CNTNAP4: variants seen among roughly 807,000 people sequenced by gnomAD.
The protein encoded by CNTNAP4 is contactin-associated protein-like 4.
In CNTNAP4, 98 loss-of-function variants were observed where a neutral mutation model predicts 148.4. The ratio of observed to expected loss-of-function variants is 0.66; its 90% CI spans 0.56 to 0.78. The LOEUF (loss-of-function observed/expected upper bound fraction) is 0.78, where lower values mean the gene tolerates loss of function less well. Ranked by LOEUF, CNTNAP4 falls within the 30% of genes least tolerant of loss-of-function variation. The probability of loss-of-function intolerance (pLI) is 0.00; values close to 1 mark genes in which losing one functional copy is unlikely to be tolerated. For missense variants in CNTNAP4, 1,935 were observed against 1,565.6 expected (o/e 1.24, Z -3.98); for synonymous variants, 730 against 565.1 (o/e 1.29, Z -4.14).
At chr16:76,448,509 G>C (rs1162458557) in intron 5 of CNTNAP4, among the ~76,000 whole-genome samples, 1 of 152,128 alleles carries the variant, frequency 6.6e-6, no homozygotes, top group Non-Finnish European at 1.5e-5. Flanking sequence ...TAATGAGGTT[G>C]TGGCAAAGAT....
rs1012100257 is a variant in CNTNAP4 at position 76,522,245 on chromosome 16, C to G, written c.2743C>G (p.Gln915Glu). ...DGHVLLQLNS[Q>E]LFVGGTATRQ... ...GCATGTCCTGTTACAGCTCAACAGT[C>G]AGCTCTTCGTGGGTAAGTTCTCTTT... Residue 915 changes from glutamine to glutamate, a missense_variant, in exon 17 of 24, where the codon CAG becomes GAG. By Grantham distance (29) the Gln-to-Glu change is conservative (BLOSUM62 2). Transcript: ENST00000611870. The G allele has an allele frequency of 3.7e-6, 6 of 1,613,642 alleles. No individual in the cohort carries two copies. The highest frequency in any genetic ancestry group is 5.1e-6 in the Non-Finnish European group (6 of 1,179,800).
Position 76,489,693 on chromosome 16 carries a change from A to G in CNTNAP4, c.1890A>G (p.Ala630=), listed in dbSNP as rs1416151535. Residue 630 remains alanine (A), a synonymous_variant, in exon 13 of 24, where the codon GCA becomes GCG. Transcript: ENST00000611870. ...FLLYCNMTET[A]WTIIQHNGSD... ...CCCATTTCTGCATACAAGAAACTGC[A>G]TGGACCATCATACAGCACAACGGCT... The G allele has an allele frequency of 6.4e-7, 1 of 1,573,622 alleles. No individual in the cohort carries two copies. Among genetic ancestry groups the G allele is most frequent in the Non-Finnish European group, 8.7e-7 (1 of 1,152,778 alleles).
intron 3 of CNTNAP4, among the ~76,000 whole-genome samples, chr16:76,406,355 C>G (rs563372875): frequency 6.6e-6 from 1 of 152,094 alleles, no homozygotes; most frequent in Non-Finnish European, 1.5e-5. Flanking sequence ...CCGCATCTCT[C>G]TCTCTCTCCT....
intron 3 of CNTNAP4, among the ~76,000 whole-genome samples, chr16:76,371,458 T>G: frequency 6.6e-6 from 1 of 152,084 alleles, no homozygotes; most frequent in African/African-American, 2.4e-5. Flanking sequence ...CTAATTTTTG[T>G]AATTTTAGTA....
intron 3 of CNTNAP4, among the ~76,000 whole-genome samples, chr16:76,408,890 A>T (rs1291930812): frequency 6.6e-6 from 1 of 152,028 alleles, no homozygotes; most frequent in Non-Finnish European, 1.5e-5. Context: ...CCACTCAATC[A>T]AGATTTGAGT....
intron 21 of CNTNAP4, among the ~76,000 whole-genome samples, chr16:76,545,842 C>A (rs1201340306): frequency 6.6e-6 from 1 of 152,054 alleles, no homozygotes; most frequent in Non-Finnish European, 1.5e-5. Flanking sequence ...TTGAGATCAT[C>A]CTGGCTAACA....
chr16:76,470,733 G>A (rs1282001166), intron 10 of CNTNAP4, among the ~76,000 whole-genome samples: 1 of 142,028 alleles, frequency 7.0e-6, no homozygotes, highest in Non-Finnish European at 1.6e-5. Context: ...AATAATGCAG[G>A]TTTTTAAAAA....
chr16:76,459,537 T>C lies in CNTNAP4; in HGVS notation c.1334-2419T>C, dbSNP rs148849642. On this transcript the variant is annotated intron_variant, in intron 8 of 23. Transcript: ENST00000611870. The stretch of plus-strand genomic sequence containing the variant: ...ACCATATATGTCCAGGGCAAAGACA[T>C]GTAATCACCTAAGGGAGTTTTGATG... Among the ~76,000 whole-genome samples the C allele has an allele frequency of 1.1e-3, 168 of 152,304 alleles. 2 individuals carry two copies. In the East Asian group the frequency reaches 0.028, roughly 25 times the overall value.
chr16:76,426,126 G>C (rs1194547924), intron 3 of CNTNAP4, among the ~76,000 whole-genome samples: 1 of 152,072 alleles, frequency 6.6e-6, no homozygotes, highest in Non-Finnish European at 1.5e-5. Flanking sequence ...AGTGTATGGG[G>C]TACTGGTGGA....
chr16:76,383,794 G>A (rs999109567), intron 3 of CNTNAP4, among the ~76,000 whole-genome samples: 1 of 152,018 alleles, frequency 6.6e-6, no homozygotes, highest in Non-Finnish European at 1.5e-5. Context: ...TAAAATAATC[G>A]AGTTGTAAAG....
At chr16:76,310,197 G>C (rs1426860111) in intron 1 of CNTNAP4, among the ~76,000 whole-genome samples, 1 of 152,122 alleles carries the variant, frequency 6.6e-6, no homozygotes, top group Non-Finnish European at 1.5e-5. Context: ...ACTGGGTTGT[G>C]TGTCATGGTA....
At position 76,534,522 on chromosome 16, in the gene CNTNAP4, C is replaced by T. The variant is rs910569860; in HGVS notation, c.2756-1023C>T. Among the ~76,000 whole-genome samples, 4 of 152,138 alleles carry T rather than the reference C, an allele frequency of 2.6e-5. No homozygotes were observed. The East Asian group carries it at 5.8e-4, about 22-fold the overall frequency. ...TTTAGGTTAGGGTACTCTTTTCCCG[C>T]TTCAAGTTCTGAGCATTAACTTAAG... On this transcript the variant is annotated intron_variant, in intron 17 of 23. Coordinates refer to ENST00000611870, the MANE Select transcript of CNTNAP4 (RefSeq NM_033401.5).
intron 9 of CNTNAP4, among the ~76,000 whole-genome samples, chr16:76,464,106 G>C (rs559394123): frequency 6.6e-6 from 1 of 152,148 alleles, no homozygotes; most frequent in Admixed American, 6.5e-5. Context: ...CAGAAGACCT[G>C]CTGCCAAACT....
chr16:76,382,060 C>T lies in CNTNAP4; in HGVS notation c.390+26549C>T, dbSNP rs1337855248. Among the ~76,000 whole-genome samples the T allele has an allele frequency of 1.0e-3, 55 of 53,330 alleles. 1 individual carries two copies. In the East Asian group the frequency reaches 0.026, roughly 26 times the overall value. 35.0% of individuals were successfully genotyped at this position (53,330 alleles called of 152,430 possible). ...TGGGGGACAGAGCGAGACTCCGTCT[C>T]AAAAAAAAAAAAAAAAAAAAAAAAA... On this transcript the variant is annotated intron_variant, in intron 3 of 23. Transcript: ENST00000611870.
At chr16:76,530,500 G>A (rs1288284797) in intron 17 of CNTNAP4, among the ~76,000 whole-genome samples, 1 of 152,166 alleles carries the variant, frequency 6.6e-6, no homozygotes, top group Non-Finnish European at 1.5e-5. Flanking sequence ...TTATTCATCA[G>A]TGAACAACAG....
intron 6 of CNTNAP4, 82 bp from the exon 7 acceptor site, chr16:76,449,633 A>G (rs2080379062): frequency 8.5e-7 from 1 of 1,182,678 alleles, no homozygotes; most frequent in Non-Finnish European, 1.2e-6. Flanking sequence ...TGTGATGATT[A>G]TAGCTATACT....
At chr16:76,534,138 G>C (rs1184708713) in intron 17 of CNTNAP4, among the ~76,000 whole-genome samples, 1 of 151,976 alleles carries the variant, frequency 6.6e-6, no homozygotes, top group Non-Finnish European at 1.5e-5. Context: ...GGGCAAAAGG[G>C]GTCCCCCTTT....
chr16:76,329,819 T>C (rs992143348), intron 2 of CNTNAP4, among the ~76,000 whole-genome samples: 1 of 152,206 alleles, frequency 6.6e-6, no homozygotes, highest in African/African-American at 2.4e-5. Context: ...ATAACTGACT[T>C]TTATAATAGG....
intron 15 of CNTNAP4, among the ~76,000 whole-genome samples, chr16:76,500,296 C>T (rs910907131): frequency 1.3e-4 from 20 of 152,212 alleles, no homozygotes; most frequent in Non-Finnish European, 2.5e-4. Context: ...TTTTTAAGTA[C>T]GGTCTGAAAT....
Sources: allele counts gnomAD v4.1 joint callset (sites outside exome capture counted in the v4.1 genomes callset), GRCh38; gene constraint gnomAD v4.1.1; transcripts MANE v1.5; gene names NCBI Gene and HGNC (gene_info 2026-07-23, HGNC 2026-07-21).